Variants in BRAP observed in about 807,000 individuals in gnomAD.
BRAP encodes BRCA1 associated protein.
BRAP carries 42 observed loss-of-function variants against 73.4 expected under a neutral mutation model. That is an observed-to-expected ratio of 0.57 (90% CI 0.45 to 0.74). BRAP has a LOEUF of 0.74. BRAP is among the 30% of genes least tolerant of loss of function. The pLI is 0.00. For missense variants in BRAP, 593 were observed against 751.4 expected (o/e 0.79, Z 2.46); for synonymous variants, 255 against 267.4 (o/e 0.95, Z 0.45).
intron 3 of BRAP, among the ~76,000 whole-genome samples, chr12:111,680,214 A>G (rs1394239745): frequency 6.6e-6 from 1 of 151,268 alleles, no homozygotes; most frequent in East Asian, 2.0e-4. Flanking sequence ...TCGGCCTCCC[A>G]AAGTACTGGG....
chr12:111,650,291 A>G (rs1886269094), intron 10 of BRAP, among the ~76,000 whole-genome samples: 1 of 152,050 alleles, frequency 6.6e-6, no homozygotes, highest in Non-Finnish European at 1.5e-5. Flanking sequence ...TTTGAGCCAG[A>G]GTCTCGCTCT....
At position 111,643,862 on chromosome 12, in the gene BRAP, C is replaced by T. The variant is rs1592961758; in HGVS notation, c.*337G>A. 3.8e-6 allele frequency: 1 copy of T among 263,400 alleles called. No homozygotes were observed. The highest frequency in any genetic ancestry group is 8.2e-5 in the East Asian group (1 of 12,154). 16.3% of individuals were successfully genotyped at this position (263,400 alleles called of 1,614,324 possible). On this transcript the variant is annotated 3_prime_UTR_variant, in exon 12 of 12. Transcript: ENST00000419234. ...AAATAACTTAACATCTTAAACCTAC[C>T]CCAGAACTGAATGTCAAATACGCCA...
intron 11 of BRAP, 55 bp from the exon 12 acceptor site, chr12:111,644,617 C>A (rs1332987791): frequency 3.9e-5 from 61 of 1,578,526 alleles, no homozygotes; most frequent in Non-Finnish European, 5.1e-5. Context: ...GACACAGTCC[C>A]CTTTCTGCTC....
chr12:111,649,116 G>T (rs940124610), intron 11 of BRAP, among the ~76,000 whole-genome samples: 4 of 152,068 alleles, frequency 2.6e-5, no homozygotes, highest in South Asian at 4.1e-4. Context: ...TAAGTTTTAC[G>T]TCTATTAATT....
In BRAP at chr12:111,644,288, T is replaced by C. The variant is rs562496425; in HGVS notation, c.1690A>G (p.Ile564Val). ...RQEIQEGQIN[I>V]AMASASSPAS... ...GGGCTCGAGGCCGAGGCCATGGCGATGTTGATCTGTCCCTCCTGGATTTCC... is the reference window on the plus strand; with the variant it reads ...GGGCTCGAGGCCGAGGCCATGGCGACGTTGATCTGTCCCTCCTGGATTTCC... Residue 564 changes from isoleucine (I) to valine (V), a missense_variant, in exon 12 of 12, where the codon ATC becomes GTC. Coordinates refer to ENST00000419234, the MANE Select transcript of BRAP (RefSeq NM_006768.5). 6 of 1,614,084 alleles carry C rather than the reference T, an allele frequency of 3.7e-6. No homozygotes were observed. The highest frequency in any genetic ancestry group is 5.1e-6 in the Non-Finnish European group (6 of 1,180,022).
At chr12:111,656,629 C>T (rs1223786065) in intron 9 of BRAP, among the ~76,000 whole-genome samples, 1 of 152,198 alleles carries the variant, frequency 6.6e-6, no homozygotes, top group Non-Finnish European at 1.5e-5. Context: ...AGGAGAAGAA[C>T]ACCTATGCTA....
At position 111,643,148 on chromosome 12, in the gene BRAP, G is replaced by C. The variant is rs1261217106; in HGVS notation, c.*1051C>G. 1.3e-5 allele frequency: 2 copies of C among 152,034 alleles called. No homozygotes were observed. Among genetic ancestry groups the C allele is most frequent in the African/African-American group, 4.8e-5 (2 of 41,384 alleles). 9.4% of individuals were successfully genotyped at this position (152,034 alleles called of 1,614,324 possible). ...GAGAGAGTACACAGCCCCTCTGTTG[G>C]CCCACACAAGCGTTATATGACTGTT... On this transcript the variant is annotated 3_prime_UTR_variant, in exon 12 of 12. Coordinates refer to ENST00000419234, the MANE Select transcript of BRAP (RefSeq NM_006768.5).
At chr12:111,666,728 G>A (rs1000874038) in intron 5 of BRAP, among the ~76,000 whole-genome samples, 2 of 152,172 alleles carry the variant, frequency 1.3e-5, no homozygotes, top group Admixed American at 6.6e-5. Flanking sequence ...GCCAGAAGAC[G>A]AGAAAGAATT....
Position 111,685,782 on chromosome 12 carries a change from GAC to G in BRAP, c.9_10del (p.Ser4ThrfsTer29). The G allele has an allele frequency of 6.2e-7, 1 of 1,600,930 alleles. No homozygotes were observed. Among genetic ancestry groups the G allele is most frequent in the Non-Finnish European group, 8.5e-7 (1 of 1,173,698 alleles). On this transcript the variant is annotated frameshift_variant, in exon 1 of 12. Transcript: ENST00000419234. LOFTEE classifies it high-confidence loss of function. ...GAGCTCCAATCGGATAACAACCAGTGACACACTCATAGGGCAGGCGCTGGCCG... is the reference window on the plus strand; with the variant it reads ...GAGCTCCAATCGGATAACAACCAGTGACACTCATAGGGCAGGCGCTGGCCG...
intron 5 of BRAP, among the ~76,000 whole-genome samples, chr12:111,667,124 G>C (rs1000375282): frequency 6.6e-6 from 1 of 152,090 alleles, no homozygotes; most frequent in Non-Finnish European, 1.5e-5. Flanking sequence ...CATGTATTTT[G>C]ATATAATTAA....
intron 10 of BRAP, among the ~76,000 whole-genome samples, chr12:111,653,781 G>A (rs868662427): frequency 1.2e-4 from 19 of 152,182 alleles, no homozygotes; most frequent in Non-Finnish European, 1.8e-4. Flanking sequence ...AAGGAGGACC[G>A]TGGCAGAACA....
At chr12:111,682,996 T>A (rs1265353153) in intron 2 of BRAP, 150 bp downstream of exon 2, 15 of 796,982 alleles carry the variant, frequency 1.9e-5, no homozygotes, top group Middle Eastern at 3.1e-4. Flanking sequence ...AACACTAACA[T>A]GTGGCTTAAC....
At chr12:111,670,585 C>A (rs974268315) in intron 5 of BRAP, among the ~76,000 whole-genome samples, 1 of 152,158 alleles carries the variant, frequency 6.6e-6, no homozygotes, top group Non-Finnish European at 1.5e-5. Flanking sequence ...CCTCGGCCTC[C>A]GGGGTTTAAG....
At chr12:111,675,921 A>C (rs968807679) in intron 4 of BRAP, among the ~76,000 whole-genome samples, 4 of 152,160 alleles carry the variant, frequency 2.6e-5, no homozygotes, top group Non-Finnish European at 4.4e-5. Context: ...CAAGAACAAC[A>C]AAATTGAACT....
intron 2 of BRAP, among the ~76,000 whole-genome samples, chr12:111,682,101 C>T (rs1887620964): frequency 6.6e-6 from 1 of 152,192 alleles, no homozygotes; most frequent in African/African-American, 2.4e-5. Context: ...AAGCAGGTAT[C>T]TTCTATCACG....
Position 111,659,356 on chromosome 12 carries a change from A to T in BRAP, c.973-11T>A. On this transcript the variant is annotated splice_polypyrimidine_tract_variant and intron_variant, in intron 7 of 11. Transcript: ENST00000419234. The stretch of plus-strand genomic sequence containing the variant: ...ACAAATCCAAAGATTCTGCCGGAAG[A>T]GGTAAGATCTTAATTAGTTAAATAA... 6.2e-7 allele frequency: 1 copy of T among 1,609,324 alleles called. No individual in the cohort carries two copies.
intron 7 of BRAP, 127 bp downstream of exon 7, chr12:111,660,473 G>A (rs1204057242): frequency 2.6e-6 from 2 of 769,002 alleles, no homozygotes; most frequent in East Asian, 3.9e-5. Flanking sequence ...AACACAGTAA[G>A]CCCTGTCTCT....
chr12:111,677,948 T>C (rs1230292038), intron 4 of BRAP, among the ~76,000 whole-genome samples: 3 of 152,190 alleles, frequency 2.0e-5, no homozygotes, highest in Admixed American at 1.3e-4. Flanking sequence ...AGGTACACTC[T>C]TCCCCCACTA....
chr12:111,680,534 C>CA (rs11336940), intron 3 of BRAP, among the ~76,000 whole-genome samples: 274 of 130,082 alleles, frequency 2.1e-3, no homozygotes, highest in Middle Eastern at 3.9e-3. Flanking sequence ...CCATCTCTGC[C>CA]AAAAAAAAAA....
Sources: allele counts gnomAD v4.1 joint callset (sites outside exome capture counted in the v4.1 genomes callset), GRCh38; gene constraint gnomAD v4.1.1; transcripts MANE v1.5; gene names NCBI Gene and HGNC (gene_info 2026-07-23, HGNC 2026-07-21).